STAM2: variants seen among roughly 807,000 people sequenced by gnomAD.
The protein encoded by STAM2 is signal transducing adaptor molecule 2.
In STAM2, 51 loss-of-function variants were observed where a neutral mutation model predicts 65.6. The observed-to-expected ratio is 0.78, with a 90% CI of 0.62 to 0.98. The LOEUF is 0.98. Among genes scored for constraint, STAM2 ranks in the 50% least tolerant of loss-of-function variants. The pLI is 0.00. For synonymous variants in STAM2, 198 were observed against 208.4 expected (o/e 0.95, Z 0.43); for missense variants, 584 against 617.8 (o/e 0.95, Z 0.58).
intron 5 of STAM2, among the ~76,000 whole-genome samples, chr2:152,145,939 A>G (rs749992106): frequency 6.6e-6 from 1 of 152,124 alleles, no homozygotes; most frequent in Non-Finnish European, 1.5e-5. Flanking sequence ...CTTATCTCAA[A>G]ACGTTACCTT....
chr2:152,166,857 CTT>C (rs1689797104), intron 1 of STAM2, among the ~76,000 whole-genome samples: 1 of 152,200 alleles, frequency 6.6e-6, no homozygotes, highest in East Asian at 1.9e-4. Context: ...ATAAAAAAAA[CTT>C]TTAGTACAAA....
chr2:152,163,208 G>A (rs1292915221), intron 1 of STAM2, among the ~76,000 whole-genome samples: 4 of 152,148 alleles, frequency 2.6e-5, no homozygotes, highest in Non-Finnish European at 5.9e-5. Flanking sequence ...CCGTAGCAGA[G>A]GAACATAAAT....
Position 152,148,307 on chromosome 2 carries a change from A to C in STAM2, c.126-7T>G, listed in dbSNP as rs1689374316. 14 of 1,593,972 alleles carry C rather than the reference A, an allele frequency of 8.8e-6. No individual in the cohort carries two copies. Among genetic ancestry groups the C allele is most frequent in the Non-Finnish European group, 1.2e-5 (14 of 1,170,276 alleles). On this transcript the variant is annotated splice_region_variant and splice_polypyrimidine_tract_variant and intron_variant, in intron 2 of 13. Transcript: ENST00000263904. ...TTTTAGGCAATCTTTCGCTCTAAAA[A>C]AAAAAAGAGAGAGAGAGACAGTTAA... is the stretch of plus-strand genomic sequence containing the variant.
At position 152,144,007 on chromosome 2, in the gene STAM2, T is replaced by C. The variant is rs370599076; in HGVS notation, c.524A>G (p.Glu175Gly). The C allele has an allele frequency of 6.2e-7, 1 of 1,602,228 alleles. No individual in the cohort carries two copies. Among genetic ancestry groups the C allele is most frequent in the Non-Finnish European group, 8.5e-7 (1 of 1,177,576 alleles). ...KEDEDIAKAI[E>G]LSLQEQKQQH... ...CTGTTTCTGTTCTTGCAGCGATAAT[T>C]CAATAGCTAGTTTCAAAAATTAAAA... Residue 175 changes from glutamate to glycine, a missense_variant, in exon 7 of 14, where the codon GAA becomes GGA. Coordinates refer to ENST00000263904, the MANE Select transcript of STAM2 (RefSeq NM_005843.6).
At chr2:152,172,388 C>T (rs1426621527) in intron 1 of STAM2, among the ~76,000 whole-genome samples, 8 of 152,088 alleles carry the variant, frequency 5.3e-5, no homozygotes, top group Admixed American at 4.6e-4. Context: ...CATCTTGACC[C>T]ATCCTTTTCT....
At chr2:152,160,037 G>A (rs1044311652) in intron 1 of STAM2, among the ~76,000 whole-genome samples, 4 of 152,228 alleles carry the variant, frequency 2.6e-5, no homozygotes, top group African/African-American at 9.6e-5. Flanking sequence ...AGTGCTCAAT[G>A]GTGCCCAGGC....
chr2:152,120,165 ACT>A lies in STAM2; in HGVS notation c.*407_*408del. The A allele has an allele frequency of 6.6e-6, 1 of 151,022 alleles. No homozygotes were observed. 9.4% of individuals were successfully genotyped at this position (151,022 alleles called of 1,614,324 possible). On this transcript the variant is annotated 3_prime_UTR_variant, in exon 14 of 14. Coordinates refer to ENST00000263904, the MANE Select transcript of STAM2 (RefSeq NM_005843.6). ...TAATATTTTAATCCTCCTATCTCATACTGTTTATAAGTATGAGATACTTTTGA... is the reference window on the plus strand; with the variant it reads ...TAATATTTTAATCCTCCTATCTCATAGTTTATAAGTATGAGATACTTTTGA...
At chr2:152,171,831 A>C (rs748332570) in intron 1 of STAM2, among the ~76,000 whole-genome samples, 32 of 152,266 alleles carry the variant, frequency 2.1e-4, no homozygotes, top group Non-Finnish European at 4.1e-4. Flanking sequence ...TTTAGCAATG[A>C]ATGGTAAATA....
intron 1 of STAM2, among the ~76,000 whole-genome samples, chr2:152,166,793 T>G (rs1334657668): frequency 1.3e-5 from 2 of 152,174 alleles, no homozygotes; most frequent in Non-Finnish European, 2.9e-5. Flanking sequence ...AAGAGAAGGT[T>G]AAGATAATTC....
intron 5 of STAM2, among the ~76,000 whole-genome samples, chr2:152,145,632 C>T (rs990977758): frequency 3.9e-5 from 6 of 152,158 alleles, no homozygotes; most frequent in Non-Finnish European, 8.8e-5. Flanking sequence ...TACAGCTACA[C>T]GAGGAGTGCC....
chr2:152,147,176 GA>G lies in STAM2; in HGVS notation c.432del (p.Pro145GlnfsTer26). 1 of 1,607,204 alleles carries G rather than the reference GA, an allele frequency of 6.2e-7. No homozygotes were observed. Among genetic ancestry groups the G allele is most frequent in the Non-Finnish European group, 8.5e-7 (1 of 1,177,944 alleles). The stretch of plus-strand genomic sequence containing the variant: ...AAATCTCTCACCTGAGAACCTGCTG[GA>G]GGAAAAGTAATTCCTTCTTCTTTCA... The part of the protein sequence containing the change: ...KSMKEEGITF[P>X]PAGSQTVSAA... On this transcript the variant is annotated frameshift_variant, in exon 5 of 14. Transcript: ENST00000263904. LOFTEE classifies it high-confidence loss of function.
chr2:152,175,323 C>G (rs1689993824), intron 1 of STAM2, among the ~76,000 whole-genome samples: 1 of 152,180 alleles, frequency 6.6e-6, no homozygotes, highest in African/African-American at 2.4e-5. Flanking sequence ...AGTCCAGTCT[C>G]CAGCGAGCCC....
Position 152,120,869 on chromosome 2 carries a change from T to C in STAM2, c.1350-67A>G, listed in dbSNP as rs549348844. On this transcript the variant is annotated intron_variant, in intron 13 of 13. Transcript: ENST00000263904. ...AATATATAAGGTTAGAGATCAATCATCATGACAAAAATGCCTTTTCCATCT... is the reference window on the plus strand; with the variant it reads ...AATATATAAGGTTAGAGATCAATCACCATGACAAAAATGCCTTTTCCATCT... 3.7e-5 allele frequency: 48 copies of C among 1,281,694 alleles called. No individual in the cohort carries two copies. In the South Asian group the frequency reaches 3.8e-4, roughly 10 times the overall value. 79.4% of individuals were successfully genotyped at this position (1,281,694 alleles called of 1,614,324 possible). A position where few individuals can be genotyped will look rare whatever the true frequency, so the allele number is the denominator to read the frequency against.
intron 1 of STAM2, among the ~76,000 whole-genome samples, chr2:152,172,008 G>A (rs1040995422): frequency 3.9e-5 from 6 of 152,110 alleles, no homozygotes; most frequent in Admixed American, 1.3e-4. Flanking sequence ...CTGTGGCCCC[G>A]TCCCCCATGT....
chr2:152,157,026 T>G (rs372451076), intron 1 of STAM2, among the ~76,000 whole-genome samples: 1 of 152,084 alleles, frequency 6.6e-6, no homozygotes, highest in Non-Finnish European at 1.5e-5. Context: ...AAGGGAAATA[T>G]GTAGTGAGCC....
chr2:152,162,803 G>A (rs1005516094), intron 1 of STAM2, among the ~76,000 whole-genome samples: 1 of 109,096 alleles, frequency 9.2e-6, no homozygotes, highest in Non-Finnish European at 1.7e-5. Flanking sequence ...ACCATGCCTG[G>A]GTAATTTTTT....
chr2:152,122,412 C>A (rs1277755511), intron 13 of STAM2, among the ~76,000 whole-genome samples: 1 of 151,712 alleles, frequency 6.6e-6, no homozygotes, highest in Non-Finnish European at 1.5e-5. Context: ...GTGATAAAAC[C>A]CCATCTATAA....
chr2:152,170,929 G>A (rs1049294989), intron 1 of STAM2, among the ~76,000 whole-genome samples: 8 of 152,180 alleles, frequency 5.3e-5, no homozygotes, highest in Non-Finnish European at 5.9e-5. Flanking sequence ...CTGGGAAGCA[G>A]AGGTTGCAGT....
chr2:152,164,303 G>A (rs531752554), intron 1 of STAM2, among the ~76,000 whole-genome samples: 32 of 151,128 alleles, frequency 2.1e-4, no homozygotes, highest in African/African-American at 7.1e-4. Context: ...TTCAACTCTC[G>A]TTTACAAGCA....
Sources: allele counts gnomAD v4.1 joint callset (sites outside exome capture counted in the v4.1 genomes callset), GRCh38; gene constraint gnomAD v4.1.1; transcripts MANE v1.5; gene names NCBI Gene and HGNC (gene_info 2026-07-23, HGNC 2026-07-21).